NEGR1: variants seen among roughly 807,000 people sequenced by gnomAD.
The protein encoded by NEGR1 is neuronal growth regulator 1.
A neutral mutation model predicts 40.9 loss-of-function variants in NEGR1; 10 were observed. That is an observed-to-expected ratio of 0.24 (90% CI 0.15 to 0.42). NEGR1 has a LOEUF of 0.42. Ranked by LOEUF, NEGR1 falls within the 10% of genes least tolerant of loss-of-function variation. The pLI is 1.00. For synonymous variants in NEGR1, 185 were observed against 166.8 expected, an observed-to-expected ratio of 1.11 and a Z score of -0.84; for missense variants, 352 against 438.9, an observed-to-expected ratio of 0.80 and a Z score of 1.77.
intron 1 of NEGR1, among the ~76,000 whole-genome samples, chr1:72,026,704 G>A (rs1437717280): frequency 6.6e-6 from 1 of 151,918 alleles, no homozygotes; most frequent in East Asian, 1.9e-4. Flanking sequence ...AATGATTTTG[G>A]ACCCATCTTA....
intron 1 of NEGR1, among the ~76,000 whole-genome samples, chr1:72,107,495 C>A (rs1465427793): frequency 2.0e-5 from 3 of 151,376 alleles, no homozygotes; most frequent in African/African-American, 7.3e-5. Flanking sequence ...TTTCTTTTGG[C>A]TGGATTTCTA....
At chr1:71,525,178 G>T (rs543984998) in intron 6 of NEGR1, among the ~76,000 whole-genome samples, 1 of 151,866 alleles carries the variant, frequency 6.6e-6, no homozygotes, top group Admixed American at 6.6e-5. Flanking sequence ...TTTCCTAAGT[G>T]CAAGGCACAA....
intron 6 of NEGR1, among the ~76,000 whole-genome samples, chr1:71,547,004 G>A (rs1270578034): frequency 6.6e-6 from 1 of 151,676 alleles, no homozygotes; most frequent in Non-Finnish European, 1.5e-5. Context: ...AGGCTGGCAA[G>A]TTGGTTTGAT....
intron 1 of NEGR1, among the ~76,000 whole-genome samples, chr1:72,259,253 G>A (rs1464270610): frequency 1.3e-5 from 2 of 152,042 alleles, no homozygotes; most frequent in Non-Finnish European, 2.9e-5. Context: ...CAATTCAGTC[G>A]ACATTAATTC....
chr1:72,063,684 T>A (rs1483580634), intron 1 of NEGR1, among the ~76,000 whole-genome samples: 1 of 151,914 alleles, frequency 6.6e-6, no homozygotes, highest in Admixed American at 6.6e-5. Flanking sequence ...GACTTAAATA[T>A]GAAGATTAAA....
chr1:72,222,680 T>G (rs1405340853), intron 1 of NEGR1, among the ~76,000 whole-genome samples: 1 of 152,108 alleles, frequency 6.6e-6, no homozygotes, highest in Admixed American at 6.6e-5. Context: ...ATGTGTCCAA[T>G]AAGGTATGCT....
At chr1:71,871,178 A>G (rs1226884623) in intron 2 of NEGR1, among the ~76,000 whole-genome samples, 1 of 152,194 alleles carries the variant, frequency 6.6e-6, no homozygotes, top group Non-Finnish European at 1.5e-5. Context: ...AGTGCAGAAT[A>G]TATCTTGTAA....
intron 6 of NEGR1, among the ~76,000 whole-genome samples, chr1:71,489,512 C>T (rs1646911178): frequency 1.3e-5 from 2 of 151,654 alleles, no homozygotes; most frequent in African/African-American, 2.4e-5. Flanking sequence ...GTATTTTTTC[C>T]TACTCTAAAA....
intron 6 of NEGR1, among the ~76,000 whole-genome samples, chr1:71,542,077 G>C (rs1647724055): frequency 6.6e-6 from 1 of 151,854 alleles, no homozygotes; most frequent in Admixed American, 6.6e-5. Context: ...ACTATTGGTG[G>C]GAAATATGGT....
intron 6 of NEGR1, among the ~76,000 whole-genome samples, chr1:71,413,152 G>A (rs1462833365): frequency 1.3e-5 from 2 of 152,170 alleles, no homozygotes; most frequent in Non-Finnish European, 2.9e-5. Flanking sequence ...ATGAGGATTG[G>A]TAGTATCTCA....
chr1:72,088,056 A>T (rs1029868413), intron 1 of NEGR1, among the ~76,000 whole-genome samples: 1 of 152,200 alleles, frequency 6.6e-6, no homozygotes, highest in African/African-American at 2.4e-5. Flanking sequence ...AGTTTTGGAC[A>T]ATCTTTTCAC....
rs563630995 is a variant in NEGR1, at chr1:71,569,202, C to A, written c.940+23615G>T. Among the ~76,000 whole-genome samples the A allele has an allele frequency of 1.6e-4, 25 of 152,208 alleles. No homozygotes were observed. The East Asian group carries it at 4.8e-3, about 29-fold the overall frequency. On this transcript the variant is annotated intron_variant, in intron 6 of 6. Transcript: ENST00000357731. ...AAGTGCTGGGATTACAGGTGTGAGCCACTGTACCCGGCCAGCAAGGATCCT... is the reference window on the plus strand; with the variant it reads ...AAGTGCTGGGATTACAGGTGTGAGCAACTGTACCCGGCCAGCAAGGATCCT...
chr1:72,203,366 G>A (rs899098977), intron 1 of NEGR1, among the ~76,000 whole-genome samples: 5 of 152,070 alleles, frequency 3.3e-5, no homozygotes, highest in African/African-American at 1.2e-4. Flanking sequence ...TCCACTGGAG[G>A]AAGTAAATGC....
At chr1:71,668,058 T>C (rs1652299122) in intron 4 of NEGR1, among the ~76,000 whole-genome samples, 1 of 140,572 alleles carries the variant, frequency 7.1e-6, no homozygotes, top group Non-Finnish European at 1.5e-5. Flanking sequence ...CTGTTATCTA[T>C]TTTTTGTCTT....
intron 2 of NEGR1, among the ~76,000 whole-genome samples, chr1:71,848,228 G>C (rs1659486945): frequency 1.3e-5 from 2 of 152,292 alleles, no homozygotes; most frequent in African/African-American, 2.4e-5. Context: ...AGCAGCAAGT[G>C]CTAATGTAGA....
chr1:71,521,133 G>C (rs1214727120), intron 6 of NEGR1, among the ~76,000 whole-genome samples: 3 of 152,098 alleles, frequency 2.0e-5, no homozygotes, highest in Non-Finnish European at 4.4e-5. Flanking sequence ...CTTGGGGTCA[G>C]AGATTTATGT....
At chr1:71,590,360 T>C (rs181640929) in intron 6 of NEGR1, among the ~76,000 whole-genome samples, 41 of 152,236 alleles carry the variant, frequency 2.7e-4, no homozygotes, top group Admixed American at 2.0e-3. Context: ...CTTGAGACTA[T>C]AGTAAGAGCA....
At chr1:72,281,720 A>G (rs1047672431) in intron 1 of NEGR1, among the ~76,000 whole-genome samples, 1 of 152,102 alleles carries the variant, frequency 6.6e-6, no homozygotes, top group African/African-American at 2.4e-5. Context: ...AAAAGGAGGG[A>G]AAAAACAGAA....
chr1:71,494,759 T>C (rs1569945011), intron 6 of NEGR1, among the ~76,000 whole-genome samples: 1 of 152,206 alleles, frequency 6.6e-6, no homozygotes, highest in East Asian at 1.9e-4. Flanking sequence ...CCCACTTCCT[T>C]CCTGAAGCAT....
Sources: gnomAD v4.1 joint callset for allele counts (sites outside exome capture counted in the v4.1 genomes callset) on GRCh38, gnomAD v4.1.1 for gene constraint, MANE v1.5 for transcripts, NCBI Gene and HGNC (gene_info 2026-07-23, HGNC 2026-07-21) for gene names.